ZNF722: variants seen among roughly 807,000 people sequenced by gnomAD.
ZNF722 encodes zinc finger protein 479 pseudogene.
At chr7:64,015,729 G>A in the ZNF722 span, 4 of 1,613,704 alleles carry the variant, frequency 2.5e-6, no homozygotes, top group Admixed American at 1.7e-5. Flanking sequence ...TCATACTGGA[G>A]AGAAACCCTA....
the ZNF722 span, among the ~76,000 whole-genome samples, chr7:64,000,126 T>TGTG: frequency 0.01 from 780 of 77,762 alleles, 4 homozygotes; most frequent in East Asian, 0.035. Context: ...TTACTTTTTT[T>TGTG]TTTTTTTGTG....
the ZNF722 span, among the ~76,000 whole-genome samples, chr7:64,017,310 A>T: frequency 1.3e-5 from 2 of 151,860 alleles, no homozygotes; most frequent in Non-Finnish European, 2.9e-5. Flanking sequence ...CTTGAACCTG[A>T]GAGGTGGAGG....
the ZNF722 span, chr7:64,015,849 T>G: frequency 6.3e-7 from 1 of 1,596,690 alleles, no homozygotes; most frequent in Non-Finnish European, 8.6e-7. Context: ...TGACAAAGCT[T>G]TTAAGAGGCA....
the ZNF722 span, among the ~76,000 whole-genome samples, chr7:64,009,277 C>A: frequency 2.0e-5 from 3 of 152,134 alleles, no homozygotes; most frequent in African/African-American, 7.2e-5. Context: ...ACTTCCAACA[C>A]TATGTTGAAT....
At chr7:64,013,759 T>A in the ZNF722 span, among the ~76,000 whole-genome samples, 390 of 152,302 alleles carry the variant, frequency 2.6e-3, 2 homozygotes, top group African/African-American at 9.1e-3. Flanking sequence ...TGATTATATA[T>A]TCTTCGTCAT....
At chr7:64,011,964 C>A in the ZNF722 span, among the ~76,000 whole-genome samples, 690 of 152,116 alleles carry the variant, frequency 4.5e-3, 3 homozygotes, top group Non-Finnish European at 6.6e-3. Context: ...ACTCTTTTTT[C>A]TCTAAACTTC....
the ZNF722 span, among the ~76,000 whole-genome samples, chr7:63,999,558 G>C: frequency 1.3e-5 from 2 of 152,148 alleles, no homozygotes; most frequent in Non-Finnish European, 2.9e-5. Context: ...TCAGTAATTG[G>C]TTTGGTACAG....
At chr7:64,007,246 A>G in the ZNF722 span, among the ~76,000 whole-genome samples, 8 of 145,618 alleles carry the variant, frequency 5.5e-5, no homozygotes, top group African/African-American at 2.1e-4. Context: ...ATATATATAT[A>G]TATATATATT....
the ZNF722 span, among the ~76,000 whole-genome samples, chr7:64,011,868 T>C: frequency 1.3e-5 from 2 of 152,222 alleles, no homozygotes; most frequent in Non-Finnish European, 2.9e-5. Context: ...CCATTCTCCC[T>C]GTCACTTTCA....
At chr7:64,009,636 C>G in the ZNF722 span, among the ~76,000 whole-genome samples, 1 of 152,034 alleles carries the variant, frequency 6.6e-6, no homozygotes. Context: ...CTGCTGGATT[C>G]GGTTTGCCAG....
chr7:64,003,460 A>G, the ZNF722 span, among the ~76,000 whole-genome samples: 9 of 152,150 alleles, frequency 5.9e-5, no homozygotes, highest in Non-Finnish European at 1.2e-4. Context: ...TTATCTGAAA[A>G]TACATTTCAG....
At chr7:64,004,425 A>AAAAAAATATAT in the ZNF722 span, among the ~76,000 whole-genome samples, 70 of 61,094 alleles carry the variant, frequency 1.1e-3, no homozygotes, top group African/African-American at 4.9e-3. Flanking sequence ...AAAAAAAAAA[A>AAAAAAATATAT]ATATATATAT....
chr7:63,999,610 T>C, the ZNF722 span, among the ~76,000 whole-genome samples: 3 of 152,172 alleles, frequency 2.0e-5, no homozygotes, highest in Non-Finnish European at 4.4e-5. Context: ...TGAAAATGCC[T>C]TGGTTATGTC....
chr7:64,017,316 G>A, the ZNF722 span, among the ~76,000 whole-genome samples: 3 of 150,938 alleles, frequency 2.0e-5, no homozygotes, highest in Non-Finnish European at 4.4e-5. Flanking sequence ...CCTGAGAGGT[G>A]GAGGTTGCAG....
At chr7:64,015,344 G>A in the ZNF722 span, 34 of 1,413,074 alleles carry the variant, frequency 2.4e-5, no homozygotes, top group South Asian at 1.3e-4. Context: ...ATGGCAAATC[G>A]TTTTGCATGC....
the ZNF722 span, chr7:63,999,083 C>A: frequency 6.9e-7 from 1 of 1,449,298 alleles, no homozygotes; most frequent in African/African-American, 1.4e-5. Flanking sequence ...ACCCAAACTT[C>A]CTCGCAGTCA....
the ZNF722 span, chr7:63,998,868 C>A: frequency 2.9e-6 from 4 of 1,397,634 alleles, no homozygotes; most frequent in Non-Finnish European, 4.0e-6. Context: ...TTCTCTGCGT[C>A]CCGAGCTCCA....
At chr7:64,005,631 A>T in the ZNF722 span, 1 of 1,231,234 alleles carries the variant, frequency 8.1e-7, no homozygotes, top group Non-Finnish European at 1.2e-6. Flanking sequence ...ACATTCAGAG[A>T]CATAGCTATA....
chr7:64,006,690 C>G, the ZNF722 span, among the ~76,000 whole-genome samples: 3 of 152,130 alleles, frequency 2.0e-5, no homozygotes, highest in Admixed American at 2.0e-4. Context: ...TGCATCATGT[C>G]TAAAATGTGT....
Sources: gnomAD v4.1 joint callset for allele counts (sites outside exome capture counted in the v4.1 genomes callset) on GRCh38, gnomAD v4.1.1 for gene constraint, MANE v1.5 for transcripts, NCBI Gene and HGNC (gene_info 2026-07-23, HGNC 2026-07-21) for gene names.